Variants in BDP1 observed in about 807,000 individuals in gnomAD.
BDP1 encodes the protein BDP1 general transcription factor IIIB subunit.
A neutral mutation model predicts 266.6 loss-of-function variants in BDP1; 169 were observed. That is an observed-to-expected ratio of 0.63 (90% confidence interval 0.56 to 0.72). The LOEUF (loss-of-function observed/expected upper bound fraction) is 0.72. Among genes scored for constraint, BDP1 ranks in the 30% least tolerant of loss-of-function variants. The pLI is 0.00. For synonymous variants in BDP1, 1,090 were observed against 1,022.4 expected (o/e 1.07, Z -1.26); for missense variants, 3,015 against 3,053.8 (o/e 0.99, Z 0.30).
chr5:71,531,358 T>C (rs1173819770), intron 25 of BDP1, among the ~76,000 whole-genome samples: 1 of 152,176 alleles, frequency 6.6e-6, no homozygotes, highest in Non-Finnish European at 1.5e-5. Flanking sequence ...CACGGCTCTT[T>C]AAGTAATAGG....
chr5:71,458,429 C>A, intron 1 of BDP1, 150 bp from the exon 2 acceptor site: 3 of 617,328 alleles, frequency 4.9e-6, no homozygotes, highest in Non-Finnish European at 8.3e-6. Context: ...TTTTTTGTAA[C>A]CTGTCATAAT....
chr5:71,464,502 A>C (rs1761774760), intron 4 of BDP1, among the ~76,000 whole-genome samples: 1 of 152,092 alleles, frequency 6.6e-6, no homozygotes, highest in South Asian at 2.1e-4. Context: ...CTCTTAAAAA[A>C]AAATTACATT....
At position 71,483,878 on chromosome 5, in the gene BDP1, A is replaced by T; in HGVS notation, c.1051A>T (p.Arg351Ter). The T allele has an allele frequency of 6.2e-7, 1 of 1,611,048 alleles. No individual in the cohort carries two copies. The highest frequency in any genetic ancestry group is 8.5e-7 in the Non-Finnish European group (1 of 1,177,740). The change falls in exon 8 of 39, where the codon AGA becomes TGA. Residue 351 changes from arginine to a stop codon, truncating the protein, a stop_gained. Coordinates refer to ENST00000358731, the MANE Select transcript of BDP1 (RefSeq NM_018429.3). LOFTEE classifies it high-confidence loss of function. ...ACGGGAAGAGAAAACAAATGGATGG[A>T]GAATAGACAAAGCATTCCGTAAGTA... ...FKREEKTNGWRIDKAFQEKRP... is the reference protein window; with the variant it reads ...FKREEKTNGW
At chr5:71,543,360 C>A (rs1767085789) in intron 30 of BDP1, among the ~76,000 whole-genome samples, 1 of 152,186 alleles carries the variant, frequency 6.6e-6, no homozygotes, top group Non-Finnish European at 1.5e-5. Flanking sequence ...CTTTGGGAGG[C>A]AGAGGCAGGA....
chr5:71,519,230 G>A (rs1360846122), intron 22 of BDP1, among the ~76,000 whole-genome samples: 3 of 151,974 alleles, frequency 2.0e-5, no homozygotes, highest in African/African-American at 7.3e-5. Flanking sequence ...GACTACATGT[G>A]ATATTTTGAT....
In BDP1 at chr5:71,516,269, G is replaced by C. The variant is rs1416661379; in HGVS notation, c.4858G>C (p.Val1620Leu). Residue 1620 changes from valine (V) to leucine (L), a missense_variant and splice_region_variant, in exon 21 of 39, where the codon GTG becomes CTG. Val to Leu is a conservative substitution (Grantham distance 32). Transcript: ENST00000358731. ...KDETEKKVLT[V>L]SNSQIETEIE... ...TGAAACTGAAAAGAAAGTCTTAACT[G>C]TGGTGAGTTATTGTTATGTAATTAA... The C allele has an allele frequency of 1.9e-6, 3 of 1,608,546 alleles. No individual in the cohort carries two copies. The highest frequency in any genetic ancestry group is 2.6e-6 in the Non-Finnish European group (3 of 1,176,334).
intron 2 of BDP1, among the ~76,000 whole-genome samples, chr5:71,460,445 T>G (rs1228750404): frequency 2.6e-5 from 4 of 152,220 alleles, no homozygotes; most frequent in Admixed American, 2.6e-4. Flanking sequence ...CAGTGTCAGC[T>G]TCTGTTATGA....
intron 34 of BDP1, among the ~76,000 whole-genome samples, chr5:71,552,240 G>GC (rs1256598672): frequency 1.4e-5 from 2 of 144,548 alleles, no homozygotes; most frequent in African/African-American, 5.0e-5. Flanking sequence ...GGGCAGAGGC[G>GC]CCCCCCACAT....
In BDP1 at chr5:71,509,692, C is replaced by T. The variant is rs745659323; in HGVS notation, c.2600C>T (p.Thr867Ile). 6.2e-7 allele frequency: 1 copy of T among 1,613,610 alleles called. No individual in the cohort carries two copies. Among genetic ancestry groups the T allele is most frequent in the Admixed American group, 1.7e-5 (1 of 59,884 alleles). ...GAGATGGTACCAGCAGAGATTAATA[C>T]TAAAGAAATGCAGTCAGATTTAAAA... is the stretch of plus-strand genomic sequence containing the variant. ...PKEMVPAEIN[T>I]KEMQSDLKET... The change falls in exon 17 of 39, where the codon ACT becomes ATT. Residue 867 changes from threonine (T) to isoleucine (I), a missense_variant. Thr to Ile is a moderately conservative substitution (Grantham distance 89, BLOSUM62 -1). This residue lies in a region of BDP1 where 2,383 missense variants were observed against 2,404.9 expected (regional missense o/e 0.99). Coordinates refer to ENST00000358731, the MANE Select transcript of BDP1 (RefSeq NM_018429.3).
At chr5:71,577,387 C>G in the BDP1 span, among the ~76,000 whole-genome samples, 3 of 152,222 alleles carry the variant, frequency 2.0e-5, no homozygotes, top group Non-Finnish European at 4.4e-5. Flanking sequence ...CACGCACAGT[C>G]AACCAAGGGT....
chr5:71,539,671 T>C, intron 28 of BDP1, 22 bp downstream of exon 28: 6 of 1,522,946 alleles, frequency 3.9e-6, no homozygotes, highest in Non-Finnish European at 4.5e-6. Context: ...AGCTAAGTCC[T>C]ATCAAAAATA....
rs139775872 is a variant in BDP1 at position 71,557,647 on chromosome 5, G to A, written c.7240+722G>A. Among the ~76,000 whole-genome samples the A allele has an allele frequency of 8.6e-3, 639 of 74,052 alleles. 13 individuals carry two copies. The highest frequency in any genetic ancestry group is 0.026 in the African/African-American group (598 of 22,874). 48.6% of individuals were successfully genotyped at this position (74,052 alleles called of 152,430 possible). ...GATCTGCCGGCCTCGAAATTTTTGT[G>A]TTTTTTGTAGAGACAGAGTTTGTAT... On this transcript the variant is annotated intron_variant, in intron 36 of 38. Coordinates refer to ENST00000358731, the MANE Select transcript of BDP1 (RefSeq NM_018429.3).
chr5:71,558,686 C>T (rs753110775), intron 36 of BDP1, among the ~76,000 whole-genome samples: 2 of 151,870 alleles, frequency 1.3e-5, no homozygotes, highest in East Asian at 1.9e-4. Context: ...ATAAGCTGGG[C>T]GTGGTGGCGG....
Position 71,466,779 on chromosome 5 carries a change from GTAAA to G in BDP1, c.786-566_786-563del, listed in dbSNP as rs369575252. ...TTTTTAAAAGATGATAAATTAGTAA[GTAAA>G]TAAATAAAGCAATGGAAGGTCTTTG... On this transcript the variant is annotated intron_variant, in intron 5 of 38. Transcript: ENST00000358731. Among the ~76,000 whole-genome samples, 370 of 152,142 alleles carry G rather than the reference GTAAA, an allele frequency of 2.4e-3. 2 individuals are homozygous for G. The highest frequency in any genetic ancestry group is 8.5e-3 in the African/African-American group (353 of 41,530).
chr5:71,514,990 A>T lies in BDP1; in HGVS notation c.4517A>T (p.His1506Leu), dbSNP rs1160947673. 6.2e-7 allele frequency: 1 copy of T among 1,611,996 alleles called. No individual in the cohort carries two copies. Among genetic ancestry groups the T allele is most frequent in the Non-Finnish European group, 8.5e-7 (1 of 1,179,432 alleles). ...MISREKDTLG[H>L]RNEEAVILPC... ...TCAAGAGAAAAAGACACATTAGGTCACAGGAATGAGGAGGCTGTGATATTG... is the reference window on the plus strand; with the variant it reads ...TCAAGAGAAAAAGACACATTAGGTCTCAGGAATGAGGAGGCTGTGATATTG... The change falls in exon 20 of 39, where the codon CAC becomes CTC. Residue 1506 changes from histidine (H) to leucine (L), a missense_variant. Transcript: ENST00000358731.
chr5:71,540,727 A>G (rs1389438979), intron 28 of BDP1, among the ~76,000 whole-genome samples: 1 of 152,110 alleles, frequency 6.6e-6, no homozygotes, highest in South Asian at 2.1e-4. Context: ...GCTTGACTTC[A>G]GGAGTTCAAG....
At chr5:71,463,359 C>G (rs964120165) in intron 3 of BDP1, among the ~76,000 whole-genome samples, 1 of 152,094 alleles carries the variant, frequency 6.6e-6, no homozygotes, top group Non-Finnish European at 1.5e-5. Context: ...GGGACAGTTC[C>G]TCAGCATAGC....
intron 32 of BDP1, among the ~76,000 whole-genome samples, chr5:71,546,343 G>T (rs1742305114): frequency 6.6e-6 from 1 of 151,934 alleles, no homozygotes; most frequent in Admixed American, 6.6e-5. Flanking sequence ...ACTTGGCTGG[G>T]TGGGGTAGCT....
At chr5:71,522,516 A>AC (rs1765553176) in intron 23 of BDP1, 26 bp downstream of exon 23, 4 of 1,562,690 alleles carry the variant, frequency 2.6e-6, no homozygotes, top group Non-Finnish European at 2.6e-6. Context: ...AAAAAAAAAA[A>AC]AATTTTTTTT....
Sources: gnomAD v4.1 joint callset for allele counts (sites outside exome capture counted in the v4.1 genomes callset) on GRCh38, gnomAD v4.1.1 for gene constraint, gnomAD v4.1.1 regional missense constraint, MANE v1.5 for transcripts, NCBI Gene and HGNC (gene_info 2026-07-23, HGNC 2026-07-21) for gene names.